PRLR: variants seen among roughly 807,000 people sequenced by gnomAD.
PRLR encodes the protein prolactin receptor.
A neutral mutation model predicts 40.2 loss-of-function variants in PRLR; 13 were observed. The observed-to-expected ratio is 0.32, with a 90% CI of 0.21 to 0.51. The LOEUF (loss-of-function observed/expected upper bound fraction) is 0.51. Ranked by LOEUF, PRLR falls within the 20% of genes least tolerant of loss-of-function variation. The pLI is 0.97. For synonymous variants in PRLR, 269 were observed against 278.7 expected (o/e 0.97, Z 0.35); for missense variants, 656 against 747.3 (o/e 0.88, Z 1.42).
chr5:35,122,270 C>T (rs1773316972), intron 1 of PRLR, among the ~76,000 whole-genome samples: 1 of 152,004 alleles, frequency 6.6e-6, no homozygotes, highest in South Asian at 2.1e-4. Context: ...TCCTGGGGTA[C>T]ATGCTCAGGG....
rs932998633 is a variant in PRLR, at chr5:35,064,404, G to A, written c.*685C>T. On this transcript the variant is annotated 3_prime_UTR_variant, in exon 10 of 10. Coordinates refer to ENST00000618457, the MANE Select transcript of PRLR (RefSeq NM_000949.7). ...TTCACATGAAATTCATTTGCCCCTT[G>A]TGTAAGAACATTTTTATTTCCAAAC... 1 of 152,258 alleles carries A rather than the reference G, an allele frequency of 6.6e-6. No homozygotes were observed. Among genetic ancestry groups the A allele is most frequent in the African/African-American group, 2.4e-5 (1 of 41,426 alleles). 9.4% of individuals were successfully genotyped at this position (152,258 alleles called of 1,614,324 possible). A position where few individuals can be genotyped will look rare whatever the true frequency, so the allele number is the denominator to read the frequency against.
At chr5:35,052,368 GA>G (rs1415906555), downstream of PRLR, among the ~76,000 whole-genome samples, 2 of 152,068 alleles carry the variant, frequency 1.3e-5, no homozygotes, top group Non-Finnish European at 2.9e-5. Context: ...AATAGATGTA[GA>G]AAAAAATTTG....
intron 5 of PRLR, among the ~76,000 whole-genome samples, chr5:35,077,699 C>T (rs538499444): frequency 4.6e-5 from 7 of 152,254 alleles, no homozygotes; most frequent in South Asian, 4.1e-4. Flanking sequence ...CTGCACCAAG[C>T]GGACCTAATA....
chr5:35,079,244 A>G (rs367885119), intron 5 of PRLR, among the ~76,000 whole-genome samples: 1 of 152,222 alleles, frequency 6.6e-6, no homozygotes, highest in East Asian at 1.9e-4. Flanking sequence ...AGGGTATTCA[A>G]TTAGGAAAAG....
intron 8 of PRLR, 129 bp downstream of exon 8, chr5:35,068,650 G>A: frequency 2.7e-6 from 2 of 745,608 alleles, no homozygotes; most frequent in Non-Finnish European, 4.4e-6. Flanking sequence ...TTTTTTTATG[G>A]GCAAACACAC....
At chr5:35,119,384 T>TCACACACACACACA (rs567644859) in intron 1 of PRLR, among the ~76,000 whole-genome samples, 3 of 143,186 alleles carry the variant, frequency 2.1e-5, no homozygotes, top group African/African-American at 8.8e-5. Context: ...TCTCTCTCTC[T>TCACACACACACACA]CTCACACACA....
In PRLR at chr5:35,065,488, C is replaced by G; in HGVS notation, c.1470G>C (p.Thr490=). The G allele has an allele frequency of 6.2e-7, 1 of 1,614,120 alleles. No individual in the cohort carries two copies. Among genetic ancestry groups the G allele is most frequent in the Non-Finnish European group, 8.5e-7 (1 of 1,180,022 alleles). ...TTTTCTCCTGGGGCAGCAGCCAGGG[C>G]GTATCCTGGTCAGTCTCAGAATGGA... is the stretch of plus-strand genomic sequence containing the variant. ...ESFHSETDQD[T]PWLLPQEKTP... Residue 490 remains threonine (T), a synonymous_variant, in exon 10 of 10, where the codon ACG becomes ACC. Coordinates refer to ENST00000618457, the MANE Select transcript of PRLR (RefSeq NM_000949.7).
chr5:35,076,379 C>T (rs564594485), intron 5 of PRLR, among the ~76,000 whole-genome samples: 44 of 152,114 alleles, frequency 2.9e-4, no homozygotes, highest in African/African-American at 9.6e-4. Context: ...AACCATGGCA[C>T]GAGAACTATG....
intron 2 of PRLR, among the ~76,000 whole-genome samples, chr5:35,102,489 T>C (rs1380598548): frequency 8.0e-6 from 1 of 125,522 alleles, no homozygotes; most frequent in African/African-American, 3.8e-5. Context: ...CCGTCCCGTC[T>C]CCTCTCCACT....
intron 1 of PRLR, among the ~76,000 whole-genome samples, chr5:35,196,402 C>T (rs1288831912): frequency 2.6e-5 from 4 of 152,226 alleles, no homozygotes; most frequent in Admixed American, 1.3e-4. Flanking sequence ...CATGCACTGT[C>T]AGCCTGCTCA....
At chr5:35,187,411 AAAG>A (rs775581202) in intron 1 of PRLR, among the ~76,000 whole-genome samples, 6 of 151,744 alleles carry the variant, frequency 4.0e-5, no homozygotes, top group Admixed American at 1.3e-4. Context: ...AAAAAAAAAA[AAAG>A]AAGAAGAAGG....
intron 1 of PRLR, among the ~76,000 whole-genome samples, chr5:35,144,871 G>A (rs868672372): frequency 6.6e-6 from 1 of 152,296 alleles, no homozygotes; most frequent in South Asian, 2.1e-4. Flanking sequence ...TGGGACTACA[G>A]GTGCGTGAGG....
chr5:35,162,316 T>C (rs879058158), intron 1 of PRLR, among the ~76,000 whole-genome samples: 1 of 152,190 alleles, frequency 6.6e-6, no homozygotes, highest in African/African-American at 2.4e-5. Context: ...ATATTCAAGA[T>C]TGGCTCCCAA....
At chr5:35,097,235 T>C (rs971150385) in intron 2 of PRLR, among the ~76,000 whole-genome samples, 1 of 152,214 alleles carries the variant, frequency 6.6e-6, no homozygotes, top group Non-Finnish European at 1.5e-5. Context: ...CAAACCCTTG[T>C]ATAGAATACA....
At chr5:35,097,327 T>C (rs1435961225) in intron 2 of PRLR, among the ~76,000 whole-genome samples, 1 of 152,232 alleles carries the variant, frequency 6.6e-6, no homozygotes, top group Non-Finnish European at 1.5e-5. Context: ...ACTGTTTTGT[T>C]AACTCGCTTC....
intron 1 of PRLR, among the ~76,000 whole-genome samples, chr5:35,137,702 A>G (rs564224817): frequency 1.3e-5 from 2 of 152,378 alleles, no homozygotes; most frequent in South Asian, 4.1e-4. Flanking sequence ...AGATATGGAA[A>G]TGACACTGTA....
chr5:35,229,521 C>CA (rs1231863671), intron 1 of PRLR, among the ~76,000 whole-genome samples: 1 of 152,150 alleles, frequency 6.6e-6, no homozygotes, highest in Non-Finnish European at 1.5e-5. Context: ...GCCGGCCCTC[C>CA]AGTTACCTGA....
In PRLR at chr5:35,084,954, G is replaced by A. The variant is rs192115905; in HGVS notation, c.204-315C>T. ...AACACTCGAGCTTTCAATGGCCCAG[G>A]CACCACCATACCCAGGTCATGCCCA... On this transcript the variant is annotated intron_variant, in intron 4 of 9. Transcript: ENST00000618457. 5.3e-5 allele frequency among the ~76,000 whole-genome samples: 8 copies of A among 152,244 alleles called. No homozygotes were observed. The East Asian group carries it at 1.5e-3, about 29-fold the overall frequency.
intron 2 of PRLR, among the ~76,000 whole-genome samples, chr5:35,103,587 G>A (rs1034126124): frequency 3.3e-4 from 50 of 152,158 alleles, no homozygotes; most frequent in African/African-American, 1.0e-3. Flanking sequence ...AAAAGAGATT[G>A]GGAAGTCAAA....
Sources: allele counts gnomAD v4.1 joint callset (sites outside exome capture counted in the v4.1 genomes callset), GRCh38; gene constraint gnomAD v4.1.1; transcripts MANE v1.5; gene names NCBI Gene and HGNC (gene_info 2026-07-23, HGNC 2026-07-21).